Variants in TEAD4 observed in about 807,000 individuals in gnomAD.
TEAD4 encodes the protein TEA domain transcription factor 4.
In TEAD4, 36 loss-of-function variants were observed where a neutral mutation model predicts 52.4. The ratio of observed to expected loss-of-function variants is 0.69; its 90% CI spans 0.53 to 0.91. TEAD4 has a LOEUF of 0.91. Among genes scored for constraint, TEAD4 ranks in the 40% least tolerant of loss-of-function variants. The pLI is 0.00. For missense variants in TEAD4, 508 were observed against 583.9 expected, an observed-to-expected ratio of 0.87 and a Z score of 1.34; for synonymous variants, 220 against 231.0, an observed-to-expected ratio of 0.95 and a Z score of 0.43.
chr12:3,016,989 C>T (rs1461997435), intron 5 of TEAD4: 5 of 428,230 alleles, frequency 1.2e-5, no homozygotes, highest in South Asian at 3.3e-5. Context: ...CCAGACAGCC[C>T]GTGTGGCCAG....
At position 2,983,770 on chromosome 12, in the gene TEAD4, C is replaced by T. The variant is rs144361395; in HGVS notation, c.-29-10968C>T. The stretch of plus-strand genomic sequence containing the variant: ...CAATCTGTTCTCCCCACAGAGAAAT[C>T]ATTATTCCACAATAACACTTAACAA... On this transcript the variant is annotated intron_variant, in intron 2 of 12. Transcript: ENST00000359864. 3.7e-3 allele frequency among the ~76,000 whole-genome samples: 568 copies of T among 152,366 alleles called. 5 individuals carry two copies. Among genetic ancestry groups the T allele is most frequent in the African/African-American group, 0.012 (503 of 41,586 alleles).
chr12:3,027,304 G>A (rs973754649), intron 10 of TEAD4, among the ~76,000 whole-genome samples: 3 of 152,038 alleles, frequency 2.0e-5, no homozygotes, highest in South Asian at 2.1e-4. Context: ...TTTTAATTCC[G>A]TTTTTCTGTT....
intron 10 of TEAD4, among the ~76,000 whole-genome samples, chr12:3,034,289 G>C (rs2098277924): frequency 6.6e-6 from 1 of 152,136 alleles, no homozygotes. Flanking sequence ...GAGCAGGACA[G>C]GGTAGGTTCC....
intron 3 of TEAD4, among the ~76,000 whole-genome samples, chr12:3,010,467 G>A (rs1229694356): frequency 6.6e-6 from 1 of 152,208 alleles, no homozygotes; most frequent in Non-Finnish European, 1.5e-5. Context: ...ACGGGCTCAG[G>A]CCTCCTCTCC....
chr12:3,029,489 C>T (rs930215584), intron 10 of TEAD4, among the ~76,000 whole-genome samples: 3 of 152,112 alleles, frequency 2.0e-5, no homozygotes, highest in Admixed American at 6.6e-5. Flanking sequence ...CCACCAGCCT[C>T]GGCCTCCCAA....
intron 5 of TEAD4, among the ~76,000 whole-genome samples, chr12:3,013,736 A>G (rs996543413): frequency 1.2e-4 from 19 of 152,150 alleles, no homozygotes; most frequent in African/African-American, 4.1e-4. Flanking sequence ...TCCATCTCAA[A>G]AAAAGCCACT....
chr12:3,022,239 CT>C (rs2098269214), intron 10 of TEAD4, among the ~76,000 whole-genome samples: 1 of 152,180 alleles, frequency 6.6e-6, no homozygotes, highest in Non-Finnish European at 1.5e-5. Context: ...GAGGCCTTGT[CT>C]CACGGGTGGG....
At chr12:2,972,935 C>T (rs974539834) in intron 2 of TEAD4, among the ~76,000 whole-genome samples, 2 of 152,218 alleles carry the variant, frequency 1.3e-5, no homozygotes, top group Non-Finnish European at 2.9e-5. Context: ...CCGCCACCAT[C>T]AAGGTAAAGA....
At chr12:2,984,516 C>T (rs1051284533) in intron 2 of TEAD4, among the ~76,000 whole-genome samples, 10 of 152,170 alleles carry the variant, frequency 6.6e-5, no homozygotes, top group South Asian at 4.1e-4. Context: ...AAAGTCAAAA[C>T]AGTCATGTGC....
chr12:2,992,946 G>T (rs2098244320), intron 2 of TEAD4, among the ~76,000 whole-genome samples: 1 of 152,198 alleles, frequency 6.6e-6, no homozygotes, highest in Non-Finnish European at 1.5e-5. Flanking sequence ...AGGTGGGGTT[G>T]TGACCATGAG....
In TEAD4 at chr12:3,040,536, G is replaced by A; in HGVS notation, c.*58G>A. On this transcript the variant is annotated 3_prime_UTR_variant, in exon 13 of 13. Coordinates refer to ENST00000359864, the MANE Select transcript of TEAD4 (RefSeq NM_003213.4). ...GTGTGTGCAGGAAACGGGGACGTGG[G>A]GAGGGGACCTGCAGGGGCAGCCCCC... The A allele has an allele frequency of 6.7e-7, 1 of 1,501,226 alleles. No homozygotes were observed. The highest frequency in any genetic ancestry group is 2.3e-5 in the East Asian group (1 of 43,872). The allele number at this position is 1,501,226 out of a possible 1,614,324, so 93.0% of individuals were successfully genotyped here.
chr12:2,995,563 A>G (rs1040400340), intron 3 of TEAD4, among the ~76,000 whole-genome samples: 1 of 152,176 alleles, frequency 6.6e-6, no homozygotes, highest in African/African-American at 2.4e-5. Context: ...CCCCCAACCC[A>G]GCAGAGGGTC....
intron 10 of TEAD4, among the ~76,000 whole-genome samples, chr12:3,035,564 G>A (rs1565554339): frequency 6.6e-6 from 1 of 152,096 alleles, no homozygotes; most frequent in Non-Finnish European, 1.5e-5. Context: ...GTTCACACCT[G>A]CAATCCCAAC....
At chr12:3,025,996 A>C (rs765248370) in intron 10 of TEAD4, among the ~76,000 whole-genome samples, 1 of 151,508 alleles carries the variant, frequency 6.6e-6, no homozygotes, top group African/African-American at 2.4e-5. Flanking sequence ...CCAGTTTCAC[A>C]TTGGTGAGCT....
At chr12:3,013,222 A>T (rs987202178) in intron 5 of TEAD4, among the ~76,000 whole-genome samples, 1 of 151,668 alleles carries the variant, frequency 6.6e-6, no homozygotes, top group Admixed American at 6.6e-5. Flanking sequence ...AAAGTGCTGA[A>T]ATTATAGGCA....
chr12:2,964,369 C>G (rs971527066), intron 2 of TEAD4, among the ~76,000 whole-genome samples: 9 of 152,116 alleles, frequency 5.9e-5, no homozygotes, highest in Admixed American at 3.9e-4. Flanking sequence ...GCAGTTGTGG[C>G]TGGAACGGCG....
intron 5 of TEAD4, among the ~76,000 whole-genome samples, chr12:3,014,916 C>T (rs532847621): frequency 3.7e-4 from 57 of 152,346 alleles, no homozygotes; most frequent in African/African-American, 8.9e-4. Flanking sequence ...TCTTCGGGCT[C>T]GCAAGGGTGC....
At chr12:2,967,102 G>A (rs1260204740) in intron 2 of TEAD4, among the ~76,000 whole-genome samples, 2 of 152,118 alleles carry the variant, frequency 1.3e-5, no homozygotes, top group Non-Finnish European at 2.9e-5. Context: ...CTGCCATTAA[G>A]TAGAAAGATG....
Position 3,017,466 on chromosome 12 carries a change from C to A in TEAD4, c.423C>A (p.Ala141=). 1.9e-6 allele frequency: 3 copies of A among 1,614,202 alleles called. No individual in the cohort carries two copies. The highest frequency in any genetic ancestry group is 2.5e-6 in the Non-Finnish European group (3 of 1,180,046). ...TGTCGTCTGCACAGATCATCTCCGC[C>A]ACGGCCTTCCACAGTAGCATGGCCC... The change falls in exon 6 of 13, where the codon GCC becomes GCA. Residue 141 remains alanine, a synonymous_variant. Transcript: ENST00000359864.
Sources: allele counts gnomAD v4.1 joint callset (sites outside exome capture counted in the v4.1 genomes callset), GRCh38; gene constraint gnomAD v4.1.1; transcripts MANE v1.5; gene names NCBI Gene and HGNC (gene_info 2026-07-23, HGNC 2026-07-21).